The following ATF2 variants were observed in gnomAD, a reference collection of about 807,000 sequenced individuals.
ATF2 encodes cyclic AMP-dependent transcription factor ATF-2.
Under a neutral mutation model 60.6 loss-of-function variants are expected in ATF2, and 24 were observed. The ratio of observed to expected loss-of-function variants is 0.40; its 90% CI spans 0.29 to 0.56. The LOEUF is 0.56. Ranked by LOEUF, ATF2 falls within the 20% of genes least tolerant of loss-of-function variation. The pLI, the probability that ATF2 is intolerant of heterozygous loss-of-function variation, is 0.54. For missense variants in ATF2, 433 were observed against 607.7 expected (o/e 0.71, Z 3.02); for synonymous variants, 206 against 215.4 (o/e 0.96, Z 0.38).
chr2:175,090,508 C>CT (rs1296617698), intron 12 of ATF2, among the ~76,000 whole-genome samples: 1 of 151,788 alleles, frequency 6.6e-6, no homozygotes, highest in Non-Finnish European at 1.5e-5. Flanking sequence ...AATGCTTTTT[C>CT]TTTTTTGGAG....
At chr2:175,084,003 G>A (rs888184393) in intron 12 of ATF2, among the ~76,000 whole-genome samples, 4 of 152,156 alleles carry the variant, frequency 2.6e-5, no homozygotes, top group African/African-American at 7.2e-5. Context: ...ACAGGTGCTG[G>A]AGAGGATATG....
chr2:175,138,552 G>A lies in ATF2; in HGVS notation c.-43-2066C>T, dbSNP rs116359108. 4.2e-3 allele frequency among the ~76,000 whole-genome samples: 634 copies of A among 152,202 alleles called. 3 individuals are homozygous for A. The highest frequency in any genetic ancestry group is 0.014 in the African/African-American group (590 of 41,518). ...TTATATCTAATCTGACCTTCTAAATGCTACTTCCAATACACCATGGCCCAT... is the reference window on the plus strand; with the variant it reads ...TTATATCTAATCTGACCTTCTAAATACTACTTCCAATACACCATGGCCCAT... On this transcript the variant is annotated intron_variant, in intron 2 of 13. Coordinates refer to ENST00000264110, the MANE Select transcript of ATF2 (RefSeq NM_001880.4).
chr2:175,091,602 G>A (rs1003633255), intron 12 of ATF2, among the ~76,000 whole-genome samples: 3 of 152,112 alleles, frequency 2.0e-5, no homozygotes, highest in East Asian at 1.9e-4. Context: ...AGTGGCTCAC[G>A]CCTGTAATCT....
chr2:175,109,519 G>A (rs1399839858), intron 10 of ATF2, among the ~76,000 whole-genome samples: 1 of 152,138 alleles, frequency 6.6e-6, no homozygotes, highest in East Asian at 1.9e-4. Context: ...AAAAGAAACA[G>A]TTATTCAGGT....
chr2:175,074,552 G>T lies in ATF2; in HGVS notation c.*57C>A. On this transcript the variant is annotated 3_prime_UTR_variant, in exon 14 of 14. Transcript: ENST00000264110. The stretch of plus-strand genomic sequence containing the variant: ...CATAAATGGAAACTGGTCTTTCCTT[G>T]ATTTCCCTTTGAAGTCACTAATGAG... The T allele has an allele frequency of 2.6e-6, 4 of 1,515,446 alleles. No individual in the cohort carries two copies. The highest frequency in any genetic ancestry group is 2.7e-6 in the Non-Finnish European group (3 of 1,125,196). The allele number at this position is 1,515,446 out of a possible 1,614,324, so 93.9% of individuals were successfully genotyped here.
At chr2:175,113,013 T>C (rs1218737395) in intron 9 of ATF2, among the ~76,000 whole-genome samples, 1 of 151,928 alleles carries the variant, frequency 6.6e-6, no homozygotes, top group Non-Finnish European at 1.5e-5. Context: ...TGGTGTAAGA[T>C]TTCCAGGGAG....
intron 13 of ATF2, among the ~76,000 whole-genome samples, chr2:175,079,419 T>A (rs1693608608): frequency 1.3e-5 from 2 of 152,148 alleles, no homozygotes; most frequent in Non-Finnish European, 2.9e-5. Context: ...TTAAGTCAGA[T>A]GGGAACCATA....
At chr2:175,114,132 ATTTT>A in intron 8 of ATF2, 24 bp from the exon 9 acceptor site, 1 of 1,553,326 alleles carries the variant, frequency 6.4e-7, no homozygotes, top group Admixed American at 2.2e-5. Flanking sequence ...AAGAAGAGAA[ATTTT>A]AAAAAAGAGA....
intron 2 of ATF2, among the ~76,000 whole-genome samples, chr2:175,148,145 G>A (rs1202980782): frequency 6.6e-6 from 1 of 152,100 alleles, no homozygotes; most frequent in Non-Finnish European, 1.5e-5. Flanking sequence ...AATCATGAAG[G>A]AAAATAGTTT....
At chr2:175,093,031 T>C (rs1387373671) in intron 12 of ATF2, 30 bp downstream of exon 12, 4 of 1,583,492 alleles carry the variant, frequency 2.5e-6, no homozygotes, top group Non-Finnish European at 3.4e-6. Flanking sequence ...AAAAAAGAAA[T>C]AAAACAAAAT....
Position 175,074,093 on chromosome 2 carries a change from G to T in ATF2, c.*516C>A, listed in dbSNP as rs994165370. On this transcript the variant is annotated 3_prime_UTR_variant, in exon 14 of 14. Coordinates refer to ENST00000264110, the MANE Select transcript of ATF2 (RefSeq NM_001880.4). ...TAATGTTTTTCCTTTTGCATAATGT[G>T]CAAAATAAAAGGCAAAAAGATTAAA... 3.3e-5 allele frequency: 5 copies of T among 152,240 alleles called. No individual in the cohort carries two copies. The highest frequency in any genetic ancestry group is 7.3e-5 in the Non-Finnish European group (5 of 68,168). 9.4% of individuals were successfully genotyped at this position (152,240 alleles called of 1,614,324 possible).
intron 2 of ATF2, among the ~76,000 whole-genome samples, chr2:175,137,759 C>T (rs898846991): frequency 1.3e-5 from 2 of 152,114 alleles, no homozygotes; most frequent in Non-Finnish European, 2.9e-5. Flanking sequence ...TCCCCCTCCT[C>T]TACAAAACAA....
intron 12 of ATF2, among the ~76,000 whole-genome samples, chr2:175,082,477 T>C (rs1693830706): frequency 6.6e-6 from 1 of 152,194 alleles, no homozygotes; most frequent in South Asian, 2.1e-4. Context: ...CCAATGTATA[T>C]TACCCAATGT....
rs71419424 is a variant in ATF2 at position 175,148,218 on chromosome 2, C to T, written c.-44+2842G>A. On this transcript the variant is annotated intron_variant, in intron 2 of 13. Coordinates refer to ENST00000264110, the MANE Select transcript of ATF2 (RefSeq NM_001880.4). Reference sequence around the variant, plus strand: ...AGTCTCCAGTACCATTAGTATGAGTCCCACCCCCTCTTTTTACTTGAATTT... The same window carrying T: ...AGTCTCCAGTACCATTAGTATGAGTTCCACCCCCTCTTTTTACTTGAATTT... 1.3e-3 allele frequency among the ~76,000 whole-genome samples: 197 copies of T among 152,174 alleles called. 2 individuals are homozygous for T. The highest frequency in any genetic ancestry group is 0.011 in the South Asian group (52 of 4,818).
intron 1 of ATF2, among the ~76,000 whole-genome samples, chr2:175,152,129 T>C (rs903915833): frequency 2.6e-5 from 4 of 152,170 alleles, no homozygotes; most frequent in African/African-American, 9.6e-5. Flanking sequence ...AATTAGTTGT[T>C]TCTGTCCTCA....
chr2:175,132,592 C>T (rs1697814181), intron 3 of ATF2: 1 of 152,142 alleles, frequency 6.6e-6, no homozygotes, highest in African/African-American at 2.4e-5. Flanking sequence ...TATCTAAGTT[C>T]AGTGGCTTTA....
intron 12 of ATF2, among the ~76,000 whole-genome samples, chr2:175,086,758 GA>G (rs1694198023): frequency 6.6e-6 from 1 of 151,940 alleles, no homozygotes; most frequent in African/African-American, 2.4e-5. Context: ...AAGCATTCAA[GA>G]ATTTTAATCT....
chr2:175,130,851 T>C (rs967628619), intron 3 of ATF2, among the ~76,000 whole-genome samples: 3 of 152,196 alleles, frequency 2.0e-5, no homozygotes, highest in Admixed American at 6.5e-5. Flanking sequence ...CTAACTCTGA[T>C]CTCTTTCTAA....
intron 12 of ATF2, among the ~76,000 whole-genome samples, chr2:175,082,318 G>C (rs1208427594): frequency 2.6e-5 from 4 of 152,152 alleles, no homozygotes; most frequent in Non-Finnish European, 1.5e-5. Flanking sequence ...TGGGTAGATA[G>C]TAATCAAAGT....
Sources: gnomAD v4.1 joint callset for allele counts (sites outside exome capture counted in the v4.1 genomes callset) on GRCh38, gnomAD v4.1.1 for gene constraint, MANE v1.5 for transcripts, NCBI Gene and HGNC (gene_info 2026-07-23, HGNC 2026-07-21) for gene names.